Variants in GAREM1 observed in about 807,000 individuals in gnomAD.
GAREM1 encodes GRB2-associated and regulator of MAPK protein 1.
Under a neutral mutation model 71.3 loss-of-function variants are expected in GAREM1, and 26 were observed. The ratio of observed to expected loss-of-function variants is 0.36; its 90% CI spans 0.27 to 0.51. The LOEUF is 0.51. GAREM1 is among the 20% of genes least tolerant of loss of function. The pLI is 0.95. For synonymous variants in GAREM1, 440 were observed against 433.2 expected, an observed-to-expected ratio of 1.02 and a Z score of -0.20; for missense variants, 1,026 against 1,103.1, an observed-to-expected ratio of 0.93 and a Z score of 0.99.
At chr18:32,344,238 T>A (rs771404693) in intron 2 of GAREM1, among the ~76,000 whole-genome samples, 1 of 152,170 alleles carries the variant, frequency 6.6e-6, no homozygotes, top group Non-Finnish European at 1.5e-5. Flanking sequence ...GATACTCAAC[T>A]AGACTTAGTG....
rs192143488 is a variant in GAREM1, at chr18:32,267,776, G to A, written c.*95C>T. The A allele has an allele frequency of 4.2e-5, 42 of 998,112 alleles. 1 individual carries two copies. Among genetic ancestry groups the A allele is most frequent in the Non-Finnish European group, 5.6e-5 (38 of 676,188 alleles). 61.8% of individuals were successfully genotyped at this position (998,112 alleles called of 1,614,324 possible). A position where few individuals can be genotyped will look rare whatever the true frequency, so the allele number is the denominator to read the frequency against. On this transcript the variant is annotated 3_prime_UTR_variant, in exon 6 of 6. Transcript: ENST00000269209. ...TCTCTTATCCCTATTTACAGAGAAG[G>A]TTTTTAGTGCAAAAACATGAAATTG...
At chr18:32,379,155 C>T (rs1210796430) in intron 2 of GAREM1, among the ~76,000 whole-genome samples, 1 of 152,066 alleles carries the variant, frequency 6.6e-6, no homozygotes, top group Non-Finnish European at 1.5e-5. Context: ...GAGATAACAG[C>T]AGTGTATAAA....
At chr18:32,372,846 C>A (rs546362885) in intron 2 of GAREM1, among the ~76,000 whole-genome samples, 1 of 152,294 alleles carries the variant, frequency 6.6e-6, no homozygotes, top group South Asian at 2.1e-4. Flanking sequence ...GAAAACAGAA[C>A]AGGACATGGG....
Position 32,428,663 on chromosome 18 carries a change from T to C in GAREM1, c.122-35628A>G, listed in dbSNP as rs74654610. Among the ~76,000 whole-genome samples, 11 of 152,294 alleles carry C rather than the reference T, an allele frequency of 7.2e-5. No homozygotes were observed. In the East Asian group the frequency reaches 2.1e-3, roughly 29 times the overall value. ...GAACCAATTAGACCTCTTTTTTAAATAAATTACTTAGTCTCAAGTATTTCT... is the reference window on the plus strand; with the variant it reads ...GAACCAATTAGACCTCTTTTTTAAACAAATTACTTAGTCTCAAGTATTTCT... On this transcript the variant is annotated intron_variant, in intron 1 of 5. Coordinates refer to ENST00000269209, the MANE Select transcript of GAREM1 (RefSeq NM_001242409.2).
chr18:32,436,872 C>A (rs903053254), intron 1 of GAREM1, among the ~76,000 whole-genome samples: 1 of 152,002 alleles, frequency 6.6e-6, no homozygotes, highest in African/African-American at 2.4e-5. Context: ...TTTTCAAATC[C>A]TAACCTCCTT....
intron 1 of GAREM1, among the ~76,000 whole-genome samples, chr18:32,396,795 AATAC>A (rs1028533985): frequency 6.6e-6 from 1 of 152,160 alleles, no homozygotes; most frequent in Non-Finnish European, 1.5e-5. Context: ...AAATACAGGA[AATAC>A]AGAGAATGCC....
At chr18:32,386,850 C>T (rs1019964631) in intron 2 of GAREM1, among the ~76,000 whole-genome samples, 4 of 152,094 alleles carry the variant, frequency 2.6e-5, no homozygotes, top group Admixed American at 1.3e-4. Context: ...GTATTACTCA[C>T]GTGCCAGCAC....
chr18:32,376,901 C>G (rs2048035634), intron 2 of GAREM1, among the ~76,000 whole-genome samples: 1 of 152,070 alleles, frequency 6.6e-6, no homozygotes, highest in South Asian at 2.1e-4. Flanking sequence ...AAAACAAAAA[C>G]ACTAGCAACA....
chr18:32,272,141 A>C (rs1020629637), intron 4 of GAREM1, among the ~76,000 whole-genome samples: 5 of 152,164 alleles, frequency 3.3e-5, no homozygotes, highest in African/African-American at 1.2e-4. Context: ...CGGAAATGAA[A>C]TGGGTTCATG....
intron 1 of GAREM1, among the ~76,000 whole-genome samples, chr18:32,410,226 T>C (rs1289981009): frequency 6.6e-6 from 1 of 152,228 alleles, no homozygotes; most frequent in Non-Finnish European, 1.5e-5. Context: ...CCCAACTCTC[T>C]GCTTCCAGTA....
At chr18:32,355,464 C>G (rs2047795471) in intron 2 of GAREM1, among the ~76,000 whole-genome samples, 2 of 151,996 alleles carry the variant, frequency 1.3e-5, no homozygotes, top group East Asian at 1.9e-4. Flanking sequence ...CTTAAGGAAT[C>G]AAGAGTAGAG....
At chr18:32,442,990 C>T (rs2048753757) in intron 1 of GAREM1, among the ~76,000 whole-genome samples, 1 of 151,952 alleles carries the variant, frequency 6.6e-6, no homozygotes, top group South Asian at 2.1e-4. Flanking sequence ...CACCAAATGA[C>T]CAAAAATAAT....
chr18:32,283,651 A>G (rs1365378305), intron 4 of GAREM1, among the ~76,000 whole-genome samples: 5 of 152,228 alleles, frequency 3.3e-5, no homozygotes, highest in Non-Finnish European at 7.3e-5. Flanking sequence ...CAAAGATACA[A>G]GAGGACTAGA....
At chr18:32,348,610 G>T (rs1325221391) in intron 2 of GAREM1, among the ~76,000 whole-genome samples, 1 of 152,084 alleles carries the variant, frequency 6.6e-6, no homozygotes, top group Non-Finnish European at 1.5e-5. Flanking sequence ...TGTAATTCCA[G>T]CTACTGAGGA....
Position 32,315,299 on chromosome 18 carries a change from C to CAA in GAREM1, c.263-4978_263-4977dup, listed in dbSNP as rs550519940. On this transcript the variant is annotated intron_variant, in intron 2 of 5. Transcript: ENST00000269209. ...GCAGAAATATAACAAGCCACATGTG[C>CAA]AATTACATATTTTCTAGTAGCCACA... Among the ~76,000 whole-genome samples the CAA allele has an allele frequency of 1.6e-4, 24 of 151,520 alleles. No homozygotes were observed. The South Asian group carries it at 3.7e-3, about 24-fold the overall frequency.
chr18:32,326,463 G>C (rs894622770), intron 2 of GAREM1, among the ~76,000 whole-genome samples: 4 of 152,178 alleles, frequency 2.6e-5, no homozygotes, highest in Non-Finnish European at 2.9e-5. Flanking sequence ...ACATTGTAGA[G>C]AGCCCCCCAC....
At chr18:32,311,481 T>G (rs2047322439) in intron 2 of GAREM1, among the ~76,000 whole-genome samples, 1 of 152,116 alleles carries the variant, frequency 6.6e-6, no homozygotes, top group Admixed American at 6.5e-5. Context: ...CTATAATACA[T>G]GAGTAAGAGT....
At chr18:32,342,464 C>T (rs905447349) in intron 2 of GAREM1, among the ~76,000 whole-genome samples, 7 of 152,180 alleles carry the variant, frequency 4.6e-5, no homozygotes, top group Non-Finnish European at 7.3e-5. Flanking sequence ...CCCACCAACC[C>T]GTCCTGTGAC....
chr18:32,370,280 T>A (rs926761782), intron 2 of GAREM1, among the ~76,000 whole-genome samples: 1 of 151,942 alleles, frequency 6.6e-6, no homozygotes, highest in African/African-American at 2.4e-5. Context: ...ATAAAAAAAT[T>A]AGCTGGACGT....
Sources: gnomAD v4.1 joint callset for allele counts (sites outside exome capture counted in the v4.1 genomes callset) on GRCh38, gnomAD v4.1.1 for gene constraint, MANE v1.5 for transcripts, NCBI Gene and HGNC (gene_info 2026-07-23, HGNC 2026-07-21) for gene names.